The following HIRA variants were observed in gnomAD, a reference collection of about 807,000 sequenced individuals.
HIRA encodes histone cell cycle regulator, also known as protein HIRA.
Under a neutral mutation model 126.6 loss-of-function variants are expected in HIRA, and 13 were observed. The ratio of observed to expected loss-of-function variants is 0.10; its 90% CI spans 0.07 to 0.16. HIRA has a LOEUF of 0.16. Ranked by LOEUF, HIRA falls within the 10% of genes least tolerant of loss-of-function variation. The pLI is 1.00. For synonymous variants in HIRA, 511 were observed against 520.0 expected, an observed-to-expected ratio of 0.98 and a Z score of 0.24; for missense variants, 834 against 1,314.4, an observed-to-expected ratio of 0.63 and a Z score of 5.65.
intron 15 of HIRA, among the ~76,000 whole-genome samples, chr22:19,373,040 G>A (rs990931716): frequency 8.5e-5 from 13 of 152,126 alleles, no homozygotes; most frequent in Non-Finnish European, 1.8e-4. Context: ...CCAATTTATC[G>A]ATTCCTTCCT....
intron 3 of HIRA, 42 bp downstream of exon 3, chr22:19,408,441 T>C (rs2089324489): frequency 7.7e-7 from 1 of 1,301,206 alleles, no homozygotes; most frequent in Non-Finnish European, 1.1e-6. Flanking sequence ...CCTTGGGCAC[T>C]CTGCCAACAC....
At chr22:19,335,995 C>T (rs181476101) in intron 24 of HIRA, among the ~76,000 whole-genome samples, 125 of 152,178 alleles carry the variant, frequency 8.2e-4, no homozygotes, top group African/African-American at 2.7e-3. Context: ...TTTAAGTAAA[C>T]GTTTATAATT....
intron 9 of HIRA, among the ~76,000 whole-genome samples, chr22:19,391,712 C>G (rs1210025608): frequency 1.3e-5 from 2 of 152,098 alleles, no homozygotes; most frequent in Admixed American, 1.3e-4. Flanking sequence ...GAACTCCTGA[C>G]CTTGTGATCC....
At chr22:19,419,709 A>G (rs2089428099) in intron 1 of HIRA, among the ~76,000 whole-genome samples, 1 of 152,232 alleles carries the variant, frequency 6.6e-6, no homozygotes, top group Non-Finnish European at 1.5e-5. Context: ...AGGCACAACA[A>G]TAAAAACTTG....
chr22:19,368,729 G>T (rs943681603), intron 15 of HIRA, among the ~76,000 whole-genome samples: 3 of 152,176 alleles, frequency 2.0e-5, no homozygotes, highest in African/African-American at 7.2e-5. Context: ...CTATCGTTTT[G>T]TAAAATACAG....
intron 24 of HIRA, among the ~76,000 whole-genome samples, chr22:19,334,102 G>A (rs750530385): frequency 2.0e-5 from 3 of 151,670 alleles, no homozygotes; most frequent in African/African-American, 7.3e-5. Context: ...AGCCTCCCGA[G>A]TAGCTGGGAC....
chr22:19,402,598 A>G (rs1324784777), intron 5 of HIRA, among the ~76,000 whole-genome samples: 1 of 152,104 alleles, frequency 6.6e-6, no homozygotes, highest in Non-Finnish European at 1.5e-5. Flanking sequence ...TTATCCCCCT[A>G]TGGTTTTTCC....
chr22:19,382,947 C>A (rs985659203), intron 13 of HIRA, among the ~76,000 whole-genome samples: 12 of 152,134 alleles, frequency 7.9e-5, no homozygotes, highest in African/African-American at 2.9e-4. Flanking sequence ...AGTAATTCCA[C>A]TTCTAGAAGT....
At chr22:19,418,664 G>A (rs2089419345) in intron 1 of HIRA, among the ~76,000 whole-genome samples, 1 of 152,038 alleles carries the variant, frequency 6.6e-6, no homozygotes, top group African/African-American at 2.4e-5. Context: ...AAAATTGTTG[G>A]AACTGTTCAG....
intron 21 of HIRA, among the ~76,000 whole-genome samples, chr22:19,354,432 C>T (rs1169771835): frequency 6.6e-6 from 1 of 152,208 alleles, no homozygotes; most frequent in African/African-American, 2.4e-5. Flanking sequence ...GTGCAGTGTG[C>T]TCTGATGCTC....
At position 19,353,523 on chromosome 22, in the gene HIRA, C is replaced by T. The variant is rs1556011568; in HGVS notation, c.2685-4G>A. On this transcript the variant is annotated splice_polypyrimidine_tract_variant and splice_region_variant and intron_variant, in intron 22 of 24. Coordinates refer to ENST00000263208, the MANE Select transcript of HIRA (RefSeq NM_003325.4). ...CCGGGCAGCCTGCCTTCCCGAGCTGCAGAGACCAGGAGAGTTTCCATGATG... is the reference window on the plus strand; with the variant it reads ...CCGGGCAGCCTGCCTTCCCGAGCTGTAGAGACCAGGAGAGTTTCCATGATG... 1 of 1,601,492 alleles carries T rather than the reference C, an allele frequency of 6.2e-7. No individual in the cohort carries two copies. The highest frequency in any genetic ancestry group is 1.1e-5 in the South Asian group (1 of 89,144).
At chr22:19,415,992 A>G (rs1422100558) in intron 1 of HIRA, among the ~76,000 whole-genome samples, 28 of 152,232 alleles carry the variant, frequency 1.8e-4, no homozygotes, top group Admixed American at 1.8e-3. Context: ...TTCAAAACTT[A>G]CTACAAAGCT....
intron 1 of HIRA, among the ~76,000 whole-genome samples, chr22:19,427,902 T>C (rs1338985746): frequency 1.3e-5 from 2 of 152,170 alleles, no homozygotes; most frequent in Non-Finnish European, 2.9e-5. Context: ...TTAACCTAAC[T>C]TAGAAATAAA....
At chr22:19,334,510 G>C (rs1189113424) in intron 24 of HIRA, among the ~76,000 whole-genome samples, 4 of 150,844 alleles carry the variant, frequency 2.7e-5, no homozygotes, top group Non-Finnish European at 5.9e-5. Context: ...AATTAGGCCA[G>C]GCGCGGTGGC....
chr22:19,361,686 A>G, intron 16 of HIRA, 41 bp downstream of exon 16: 1 of 1,590,048 alleles, frequency 6.3e-7, no homozygotes, highest in Non-Finnish European at 8.6e-7. Flanking sequence ...TAAGTACAGA[A>G]AGGTGGGCTA....
chr22:19,363,523 T>TG (rs1280685409), intron 15 of HIRA, among the ~76,000 whole-genome samples: 5 of 152,162 alleles, frequency 3.3e-5, no homozygotes, highest in African/African-American at 1.2e-4. Context: ...GGCAAAACCA[T>TG]GGAGACAATA....
intron 23 of HIRA, among the ~76,000 whole-genome samples, chr22:19,352,064 T>G (rs1427934281): frequency 6.6e-6 from 1 of 151,632 alleles, no homozygotes; most frequent in Admixed American, 6.6e-5. Context: ...GTAAGAGAGA[T>G]GAAACTGGAA....
intron 24 of HIRA, among the ~76,000 whole-genome samples, chr22:19,346,884 G>A (rs2088692574): frequency 6.6e-6 from 1 of 152,192 alleles, no homozygotes; most frequent in South Asian, 2.1e-4. Context: ...CAGAGCCTCA[G>A]TGAAGTGTCC....
chr22:19,332,242 T>G (rs1031746051), intron 24 of HIRA, among the ~76,000 whole-genome samples: 1 of 152,200 alleles, frequency 6.6e-6, no homozygotes, highest in Admixed American at 6.5e-5. Context: ...CGAGAAGGTC[T>G]AAGATCTTGA....
Sources: allele counts gnomAD v4.1 joint callset (sites outside exome capture counted in the v4.1 genomes callset), GRCh38; gene constraint gnomAD v4.1.1; transcripts MANE v1.5; gene names NCBI Gene and HGNC (gene_info 2026-07-23, HGNC 2026-07-21).